Variants in PRKAG1 observed in about 807,000 individuals in gnomAD.
PRKAG1 encodes the protein protein kinase AMP-activated non-catalytic subunit gamma 1.
PRKAG1 carries 27 observed loss-of-function variants against 48.2 expected under a neutral mutation model. The observed-to-expected ratio is 0.56, with a 90% CI of 0.41 to 0.77. PRKAG1 has a LOEUF of 0.77. Among genes scored for constraint, PRKAG1 ranks in the 30% least tolerant of loss-of-function variants. The pLI, the probability that PRKAG1 is intolerant of heterozygous loss-of-function variation, is 0.00. For synonymous variants in PRKAG1, 130 were observed against 147.7 expected, an observed-to-expected ratio of 0.88 and a Z score of 0.87; for missense variants, 287 against 398.3, an observed-to-expected ratio of 0.72 and a Z score of 2.38.
At chr12:49,010,126 T>TA (rs1211606389) in intron 2 of PRKAG1, among the ~76,000 whole-genome samples, 2 of 152,150 alleles carry the variant, frequency 1.3e-5, no homozygotes, top group African/African-American at 4.8e-5. Context: ...GCCTTCAGAG[T>TA]AAAACAAAGG....
In PRKAG1 at chr12:49,004,778, A is replaced by G. The variant is rs565488377; in HGVS notation, c.411-145T>C. 206 of 1,363,226 alleles carry G rather than the reference A, an allele frequency of 1.5e-4. 2 individuals carry two copies. The South Asian group carries it at 2.5e-3, about 16-fold the overall frequency. The allele number at this position is 1,363,226 out of a possible 1,614,324, so 84.4% of individuals were successfully genotyped here. A position where few individuals can be genotyped will look rare whatever the true frequency, so the allele number is the denominator to read the frequency against. On this transcript the variant is annotated intron_variant, in intron 7 of 11. Transcript: ENST00000548065. ...AGGCCAGACTTAAAGAGAAAGAGAG[A>G]GAGAGAGAGAGTGAGAATGAGAGAG...
In PRKAG1 at chr12:49,005,073, A is replaced by G. The variant is rs201089992; in HGVS notation, c.355+47T>C. 1.2e-5 allele frequency: 19 copies of G among 1,613,244 alleles called. No individual in the cohort carries two copies. Among genetic ancestry groups the G allele is most frequent in the Non-Finnish European group, 1.5e-5 (18 of 1,179,410 alleles). On this transcript the variant is annotated intron_variant, in intron 6 of 11. Transcript: ENST00000548065. This position sits in a 1 kb window ranked among gnomAD's most constrained non-coding sequence, Gnocchi z 4.1. ...ACCACCATGGAAAAGTGTTTCCCAGAAACCCGCCATCCCTTTATCCTTTTA... is the reference window on the plus strand; with the variant it reads ...ACCACCATGGAAAAGTGTTTCCCAGGAACCCGCCATCCCTTTATCCTTTTA...
intron 2 of PRKAG1, among the ~76,000 whole-genome samples, chr12:49,010,064 G>A (rs1477286485): frequency 6.6e-6 from 1 of 152,020 alleles, no homozygotes; most frequent in African/African-American, 2.4e-5. Flanking sequence ...CATGAGGTTG[G>A]GAGAGGCAGT....
chr12:49,004,088 G>C (rs760988102), intron 8 of PRKAG1, 166 bp from the exon 9 acceptor site: 93 of 907,164 alleles, frequency 1.0e-4, no homozygotes, highest in Non-Finnish European at 9.5e-6. Flanking sequence ...CCAGGAGTTC[G>C]AGACCAGCCT....
chr12:49,018,692 G>A, intron 1 of PRKAG1, 40 bp downstream of exon 1: 1 of 1,613,644 alleles, frequency 6.2e-7, no homozygotes, highest in South Asian at 1.1e-5. Context: ...GGGTGTCTTA[G>A]GCTCCACAGC....
At chr12:49,009,681 C>T (rs1187875309) in intron 2 of PRKAG1, among the ~76,000 whole-genome samples, 2 of 152,070 alleles carry the variant, frequency 1.3e-5, no homozygotes, top group Non-Finnish European at 2.9e-5. Context: ...GGTGCAATCT[C>T]GGCTCACAGC....
intron 1 of PRKAG1, among the ~76,000 whole-genome samples, chr12:49,014,397 A>C (rs927765566): frequency 4.6e-5 from 7 of 152,238 alleles, no homozygotes; most frequent in Admixed American, 2.6e-4. Flanking sequence ...CTAAGACTAA[A>C]GATCTGAGCT....
intron 1 of PRKAG1, among the ~76,000 whole-genome samples, chr12:49,017,002 C>T (rs74834119): frequency 2.0e-5 from 3 of 152,312 alleles, no homozygotes; most frequent in East Asian, 1.9e-4. Context: ...TTTCAGTGCC[C>T]TTGCTCACAC....
intron 1 of PRKAG1, 197 bp downstream of exon 1, chr12:49,018,535 G>A (rs933695441): frequency 1.1e-5 from 16 of 1,439,318 alleles, no homozygotes; most frequent in East Asian, 2.6e-5. Context: ...GAAAGGCGGC[G>A]GGGACGCGGC....
chr12:49,002,651 C>A lies in PRKAG1; in HGVS notation c.*248G>T. The A allele has an allele frequency of 1.7e-6, 1 of 573,622 alleles. No homozygotes were observed. 35.5% of individuals were successfully genotyped at this position (573,622 alleles called of 1,614,324 possible). A position where few individuals can be genotyped will look rare whatever the true frequency, so the allele number is the denominator to read the frequency against. ...AGTTCACCCAGAAAGGGGGATATAT[C>A]TAAGAGGACAGGGGCTAGAACTGGC... On this transcript the variant is annotated 3_prime_UTR_variant, in exon 12 of 12. Transcript: ENST00000548065.
chr12:49,017,252 G>A (rs1942019564), intron 1 of PRKAG1: 4 of 454,992 alleles, frequency 8.8e-6, no homozygotes, highest in African/African-American at 4.0e-5. Flanking sequence ...TCAGACTGGA[G>A]TGCAGTGGCA....
intron 9 of PRKAG1, 41 bp downstream of exon 9, chr12:49,003,716 G>C: frequency 1.9e-6 from 3 of 1,605,700 alleles, no homozygotes; most frequent in Non-Finnish European, 2.6e-6. Flanking sequence ...ACCCTGACTT[G>C]CCTGGATCTT....
chr12:49,003,835 T>C lies in PRKAG1; in HGVS notation c.625A>G (p.Thr209Ala), dbSNP rs759469455. Residue 209 changes from threonine to alanine, a missense_variant, in exon 9 of 12, where the codon ACT (threonine) becomes GCT (alanine). Thr to Ala is a moderately conservative substitution (Grantham distance 58, BLOSUM62 0). Transcript: ENST00000548065. ...GTYANIAMVR[T>A]TTPVYVALGI... ...AGAGCCACATAGACGGGGGTGGTAG[T>C]GCGAACCATAGCAATATTGGCATAG... The C allele has an allele frequency of 1.2e-6, 2 of 1,614,128 alleles. No homozygotes were observed. The highest frequency in any genetic ancestry group is 1.7e-6 in the Non-Finnish European group (2 of 1,179,986).
chr12:49,003,193 T>C lies in PRKAG1; in HGVS notation c.839A>G (p.Tyr280Cys), dbSNP rs1424100257. The C allele has an allele frequency of 3.1e-6, 5 of 1,614,068 alleles. No individual in the cohort carries two copies. The highest frequency in any genetic ancestry group is 2.2e-5 in the East Asian group (1 of 44,896). Residue 280 changes from tyrosine to cysteine, a missense_variant, in exon 11 of 12, where the codon TAC becomes TGC. By Grantham distance (194) the Tyr-to-Cys change is radical. Around this residue, in one of 2 missense-constraint regions of PRKAG1, gnomAD observed 224 missense variants for 344.3 expected, o/e 0.65. Transcript: ENST00000548065. ...GATGGTCTCCAGAGTCTCATGCAGG[T>C]AGCACTTGAGAACACCCTCAAAGTA... ...SHYFEGVLKC[Y>C]LHETLETIIN...
At chr12:49,018,582 G>A (rs1942104037) in intron 1 of PRKAG1, 150 bp downstream of exon 1, 2 of 1,500,252 alleles carry the variant, frequency 1.3e-6, no homozygotes, top group Non-Finnish European at 8.9e-7. Flanking sequence ...AGAAGCGGAG[G>A]AACAGGGTCA....
chr12:49,018,223 C>T (rs1592291689), intron 1 of PRKAG1: 1 of 160,842 alleles, frequency 6.2e-6, no homozygotes, highest in Non-Finnish European at 1.4e-5. Flanking sequence ...CCTCAATTCT[C>T]GGTCTTATTA....
In PRKAG1 at chr12:49,002,961, T is replaced by C; in HGVS notation, c.934A>G (p.Ile312Val). Reference sequence around the variant, plus strand: ...TGCAGGATGTCAGACAGTGATACAATTCCCTTGACCACATCATTTTCATCC... The same window carrying C: ...TGCAGGATGTCAGACAGTGATACAACTCCCTTGACCACATCATTTTCATCC... ...VVDENDVVKGIVSLSDILQAL... is the reference protein window; with the variant it reads ...VVDENDVVKGVVSLSDILQAL... The change falls in exon 12 of 12, where the codon ATT becomes GTT. Residue 312 changes from isoleucine (I) to valine (V), a missense_variant. By Grantham distance (29) the Ile-to-Val change is conservative. Around this residue, in one of 2 missense-constraint regions of PRKAG1, gnomAD observed 224 missense variants for 344.3 expected, o/e 0.65. Transcript: ENST00000548065. The C allele has an allele frequency of 1.2e-6, 2 of 1,614,220 alleles. No individual in the cohort carries two copies. Among genetic ancestry groups the C allele is most frequent in the Admixed American group, 1.7e-5 (1 of 60,028 alleles).
chr12:49,018,440 G>A (rs969854824), intron 1 of PRKAG1: 1 of 1,324,192 alleles, frequency 7.6e-7, no homozygotes, highest in African/African-American at 1.5e-5. Context: ...AATAGGAAAG[G>A]AGGCCCGAGA....
chr12:49,004,533 G>A lies in PRKAG1; in HGVS notation c.511C>T (p.Arg171Cys), dbSNP rs1452378556. The change falls in exon 8 of 12, where the codon CGC (arginine) becomes TGC (cysteine). Residue 171 changes from arginine (R) to cysteine (C), a missense_variant. By Grantham distance (180) the Arg-to-Cys change is radical. This residue lies in a region of PRKAG1 where 224 missense variants were observed against 344.3 expected (regional missense o/e 0.65). Transcript: ENST00000548065. ...AACAATTTGAGGAACTTCAGAATGCGCTTGTGGGTGAGGATGTACAAAGTA... is the reference window on the plus strand; with the variant it reads ...AACAATTTGAGGAACTTCAGAATGCACTTGTGGGTGAGGATGTACAAAGTA... ...GNTLYILTHK[R>C]ILKFLKLFIT... The A allele has an allele frequency of 3.1e-6, 5 of 1,614,042 alleles. No individual in the cohort carries two copies. The highest frequency in any genetic ancestry group is 2.7e-5 in the African/African-American group (2 of 74,916).
Sources: allele counts gnomAD v4.1 joint callset (sites outside exome capture counted in the v4.1 genomes callset), GRCh38; gene constraint gnomAD v4.1.1; regional missense constraint gnomAD v4.1.1; non-coding constraint Gnocchi (gnomAD v3.1); transcripts MANE v1.5; gene names NCBI Gene and HGNC (gene_info 2026-07-23, HGNC 2026-07-21).